RORA: variants seen among roughly 807,000 people sequenced by gnomAD.
RORA encodes nuclear receptor ROR-alpha.
Under a neutral mutation model 69.5 loss-of-function variants are expected in RORA, and 7 were observed. The ratio of observed to expected loss-of-function variants is 0.10; its 90% CI spans 0.06 to 0.19. The LOEUF is 0.19. Among genes scored for constraint, RORA ranks in the 10% least tolerant of loss-of-function variants. The pLI is 1.00. For synonymous variants in RORA, 261 were observed against 240.8 expected (o/e 1.08, Z -0.78); for missense variants, 457 against 663.0 (o/e 0.69, Z 3.41).
intron 1 of RORA, among the ~76,000 whole-genome samples, chr15:60,810,970 G>C (rs2072734957): frequency 6.6e-6 from 1 of 152,130 alleles, no homozygotes. Context: ...ATTCCTCTTA[G>C]ACTAGTCAGA....
intron 2 of RORA, among the ~76,000 whole-genome samples, chr15:60,672,358 G>T (rs1398864410): frequency 6.6e-6 from 1 of 152,122 alleles, no homozygotes; most frequent in Non-Finnish European, 1.5e-5. Flanking sequence ...CATTTAAACT[G>T]GGGATTGCCT....
intron 1 of RORA, among the ~76,000 whole-genome samples, chr15:61,108,724 T>C (rs2078974965): frequency 6.6e-6 from 1 of 152,226 alleles, no homozygotes; most frequent in South Asian, 2.1e-4. Flanking sequence ...CCAATTTTTA[T>C]TGTATGATTA....
chr15:60,592,654 G>GGGAGGCA lies in RORA; in HGVS notation c.197-60810_197-60804dup, dbSNP rs1454667530. 7.9e-5 allele frequency: 68 copies of GGGAGGCA among 859,774 alleles called. 1 individual carries two copies. In the African/African-American group the frequency reaches 1.1e-3, roughly 14 times the overall value. 53.3% of individuals were successfully genotyped at this position (859,774 alleles called of 1,614,324 possible). A position where few individuals can be genotyped will look rare whatever the true frequency, so the allele number is the denominator to read the frequency against. On this transcript the variant is annotated intron_variant, in intron 2 of 10. Transcript: ENST00000335670. The stretch of plus-strand genomic sequence containing the variant: ...GGGCGGGAGGCGGGAGGCGGGAGGC[G>GGGAGGCA]GGAGGCAGGCGCGCCCCAGCGCCGC...
chr15:60,610,920 C>T (rs894788200), intron 2 of RORA, among the ~76,000 whole-genome samples: 2 of 152,182 alleles, frequency 1.3e-5, no homozygotes, highest in African/African-American at 4.8e-5. Flanking sequence ...AGATCATTGT[C>T]GATAACTCCT....
chr15:61,141,500 T>C (rs886996095), intron 1 of RORA, among the ~76,000 whole-genome samples: 1 of 151,944 alleles, frequency 6.6e-6, no homozygotes, highest in African/African-American at 2.4e-5. Context: ...CTGACCAGCA[T>C]GAGAAAGGAA....
chr15:60,765,554 C>G (rs1160084073), intron 1 of RORA: 1 of 152,100 alleles, frequency 6.6e-6, no homozygotes, highest in Non-Finnish European at 1.5e-5. Flanking sequence ...GAAGAGATAG[C>G]CAAGTTACCA....
chr15:61,073,040 T>C (rs1339166021), intron 1 of RORA, among the ~76,000 whole-genome samples: 1 of 152,256 alleles, frequency 6.6e-6, no homozygotes, highest in East Asian at 1.9e-4. Context: ...GAGGGTTTCC[T>C]GTCCACTTTT....
intron 2 of RORA, among the ~76,000 whole-genome samples, chr15:60,643,746 A>G (rs567052578): frequency 6.6e-5 from 10 of 152,188 alleles, no homozygotes; most frequent in Admixed American, 2.6e-4. Context: ...AATGCTTAGC[A>G]TGAAAATGAG....
chr15:60,767,970 C>T (rs1320202947), intron 1 of RORA, among the ~76,000 whole-genome samples: 5 of 152,182 alleles, frequency 3.3e-5, no homozygotes, highest in African/African-American at 4.8e-5. Context: ...ATGCCCAGCA[C>T]AGATGCCTGA....
At chr15:60,715,522 A>G (rs1165133196) in intron 1 of RORA, among the ~76,000 whole-genome samples, 1 of 152,214 alleles carries the variant, frequency 6.6e-6, no homozygotes, top group Non-Finnish European at 1.5e-5. Context: ...TGGACAAACA[A>G]AGCTATGAAA....
At chr15:60,775,335 T>C (rs1037876491) in intron 1 of RORA, among the ~76,000 whole-genome samples, 1 of 152,182 alleles carries the variant, frequency 6.6e-6, no homozygotes, top group Non-Finnish European at 1.5e-5. Context: ...ACTATGTTAA[T>C]GTTGCTAGAA....
intron 2 of RORA, among the ~76,000 whole-genome samples, chr15:60,666,879 C>T (rs2070390120): frequency 6.6e-6 from 1 of 152,174 alleles, no homozygotes; most frequent in African/African-American, 2.4e-5. Flanking sequence ...ATTTAGACTC[C>T]TCAGGTGACA....
At chr15:60,735,971 C>T (rs192322265) in intron 1 of RORA, among the ~76,000 whole-genome samples, 4 of 152,286 alleles carry the variant, frequency 2.6e-5, no homozygotes, top group African/African-American at 9.6e-5. Context: ...CTAGATGTAC[C>T]CATGCCCTTC....
chr15:60,919,140 T>G (rs1225552295), intron 1 of RORA, among the ~76,000 whole-genome samples: 1 of 152,212 alleles, frequency 6.6e-6, no homozygotes, highest in African/African-American at 2.4e-5. Flanking sequence ...AACAGTGGCC[T>G]CCTTGGCTTT....
chr15:60,648,799 A>G (rs1232915956), intron 2 of RORA, among the ~76,000 whole-genome samples: 1 of 151,690 alleles, frequency 6.6e-6, no homozygotes, highest in East Asian at 1.9e-4. Flanking sequence ...AGCACCATCC[A>G]CTCTTTTTGA....
At chr15:60,787,792 G>A (rs1393567274) in intron 1 of RORA, among the ~76,000 whole-genome samples, 1 of 152,216 alleles carries the variant, frequency 6.6e-6, no homozygotes, top group Non-Finnish European at 1.5e-5. Context: ...TCTGTGGGAA[G>A]AGCCTAGGAA....
At chr15:60,572,322 A>G (rs957688837) in intron 2 of RORA, among the ~76,000 whole-genome samples, 3 of 152,204 alleles carry the variant, frequency 2.0e-5, no homozygotes, top group Non-Finnish European at 4.4e-5. Flanking sequence ...AGAACCCCAT[A>G]AGAAACCTAC....
At chr15:60,798,951 T>TAAAA (rs1006777228) in intron 1 of RORA, among the ~76,000 whole-genome samples, 2 of 137,498 alleles carry the variant, frequency 1.5e-5, no homozygotes, top group Admixed American at 7.5e-5. Context: ...TTTTTTTTTT[T>TAAAA]AAACTCAAGG....
At chr15:60,998,791 C>T (rs1005950598) in intron 1 of RORA, among the ~76,000 whole-genome samples, 1 of 152,194 alleles carries the variant, frequency 6.6e-6, no homozygotes, top group African/African-American at 2.4e-5. Flanking sequence ...TTGGCCAGGG[C>T]CCACCCACCT....
Sources: allele counts gnomAD v4.1 joint callset (sites outside exome capture counted in the v4.1 genomes callset), GRCh38; gene constraint gnomAD v4.1.1; transcripts MANE v1.5; gene names NCBI Gene and HGNC (gene_info 2026-07-23, HGNC 2026-07-21).